NTM: variants seen among roughly 807,000 people sequenced by gnomAD.
The protein encoded by NTM is neurotrimin.
NTM carries 13 observed loss-of-function variants against 42.1 expected under a neutral mutation model. That is an observed-to-expected ratio of 0.31 (90% CI 0.20 to 0.49). The LOEUF (loss-of-function observed/expected upper bound fraction) is 0.49, where lower values mean the gene tolerates loss of function less well. Ranked by LOEUF, NTM falls within the 20% of genes least tolerant of loss-of-function variation. NTM has a pLI of 0.99. For missense variants in NTM, 373 were observed against 452.8 expected (o/e 0.82, Z 1.60); for synonymous variants, 187 against 179.2 (o/e 1.04, Z -0.35).
chr11:131,599,632 G>A (rs764787193), intron 1 of NTM, among the ~76,000 whole-genome samples: 1 of 152,172 alleles, frequency 6.6e-6, no homozygotes, highest in Non-Finnish European at 1.5e-5. Flanking sequence ...AGTCATTGAG[G>A]TCATAATGGT....
At chr11:132,300,067 A>G (rs1383830699) in intron 4 of NTM, among the ~76,000 whole-genome samples, 2 of 152,178 alleles carry the variant, frequency 1.3e-5, no homozygotes, top group South Asian at 2.1e-4. Context: ...TTTATTATCA[A>G]TCACATCCTG....
intron 2 of NTM, among the ~76,000 whole-genome samples, chr11:131,947,553 G>A (rs1369953840): frequency 6.6e-6 from 1 of 152,212 alleles, no homozygotes; most frequent in Non-Finnish European, 1.5e-5. Flanking sequence ...AGGGAGGTGG[G>A]TGCAGGGATG....
intron 1 of NTM, among the ~76,000 whole-genome samples, chr11:131,667,742 C>A (rs1464548214): frequency 6.6e-6 from 1 of 152,212 alleles, no homozygotes; most frequent in African/African-American, 2.4e-5. Context: ...ACCCTGATCT[C>A]ACCTTAGAAC....
intron 1 of NTM, among the ~76,000 whole-genome samples, chr11:131,790,478 TC>T (rs1488815023): frequency 6.6e-6 from 1 of 152,050 alleles, no homozygotes; most frequent in East Asian, 1.9e-4. Flanking sequence ...AATAGTAAAG[TC>T]TCCCCTACTG....
At chr11:132,179,362 T>C (rs2077236882) in intron 3 of NTM, among the ~76,000 whole-genome samples, 1 of 152,152 alleles carries the variant, frequency 6.6e-6, no homozygotes, top group Non-Finnish European at 1.5e-5. Context: ...CAGATCTTAA[T>C]CTAGTTTACA....
chr11:131,441,069 A>C (rs1035524293), intron 1 of NTM, among the ~76,000 whole-genome samples: 4 of 152,058 alleles, frequency 2.6e-5, no homozygotes, highest in African/African-American at 9.7e-5. Context: ...CCATTGTTTT[A>C]AAGGGGTATT....
intron 2 of NTM, among the ~76,000 whole-genome samples, chr11:131,973,545 C>A (rs181450411): frequency 6.6e-6 from 1 of 152,226 alleles, no homozygotes; most frequent in Non-Finnish European, 1.5e-5. Flanking sequence ...ACAGGCCAGG[C>A]GCTGTGGCTC....
chr11:131,756,664 G>A (rs2083381091), intron 1 of NTM, among the ~76,000 whole-genome samples: 1 of 152,018 alleles, frequency 6.6e-6, no homozygotes, highest in Admixed American at 6.6e-5. Context: ...CTCCAACTTG[G>A]GTGGTGACAG....
At chr11:131,741,496 C>A (rs1187012245) in intron 1 of NTM, among the ~76,000 whole-genome samples, 1 of 152,134 alleles carries the variant, frequency 6.6e-6, no homozygotes, top group Non-Finnish European at 1.5e-5. Context: ...CAGTGATATG[C>A]CTTCTTATTC....
intron 2 of NTM, among the ~76,000 whole-genome samples, chr11:132,127,449 G>A (rs2066030635): frequency 6.6e-6 from 1 of 152,198 alleles, no homozygotes; most frequent in African/African-American, 2.4e-5. Flanking sequence ...ACCTTCTGAC[G>A]GATGGGGAGG....
intron 1 of NTM, among the ~76,000 whole-genome samples, chr11:131,633,766 C>CCTCTCTCTCTCTCTCTCT (rs1238243158): frequency 4.0e-4 from 16 of 40,032 alleles, no homozygotes; most frequent in African/African-American, 1.1e-3. Flanking sequence ...CCTCTCTCTC[C>CCTCTCTCTCTCTCTCTCT]CTCTCTCTCT....
chr11:132,314,405 A>C, intron 6 of NTM, 147 bp from the exon 7 acceptor site: 1 of 818,526 alleles, frequency 1.2e-6, no homozygotes, highest in Non-Finnish European at 1.8e-6. Flanking sequence ...CTACTACATT[A>C]TGGTGTGGTT....
intron 1 of NTM, among the ~76,000 whole-genome samples, chr11:131,845,161 T>G (rs915892448): frequency 6.6e-6 from 1 of 152,222 alleles, no homozygotes; most frequent in African/African-American, 2.4e-5. Flanking sequence ...CCATCATGAA[T>G]TTATCATATT....
chr11:132,111,181 G>C (rs951441756), intron 2 of NTM, among the ~76,000 whole-genome samples: 3 of 149,348 alleles, frequency 2.0e-5, no homozygotes, highest in Non-Finnish European at 4.4e-5. Context: ...TAGTCTCCTT[G>C]GTAGCAATGC....
At chr11:131,701,313 A>G (rs914006003) in intron 1 of NTM, among the ~76,000 whole-genome samples, 2 of 152,214 alleles carry the variant, frequency 1.3e-5, no homozygotes, top group African/African-American at 4.8e-5. Context: ...GCCAGGAATA[A>G]ATGAGAAACT....
intron 2 of NTM, among the ~76,000 whole-genome samples, chr11:132,101,846 C>T (rs1044189293): frequency 6.6e-6 from 1 of 152,220 alleles, no homozygotes; most frequent in African/African-American, 2.4e-5. Context: ...AAATCTTCCA[C>T]ACAGAGGACA....
intron 2 of NTM, among the ~76,000 whole-genome samples, chr11:132,110,971 G>A (rs2136739207): frequency 6.7e-6 from 1 of 149,144 alleles, no homozygotes; most frequent in East Asian, 2.0e-4. Context: ...TAGAGTCTAA[G>A]GCAAGAGGAT....
At chr11:132,311,344 TTTTTTAAAAAAAAA>T (rs920421629) in intron 6 of NTM, among the ~76,000 whole-genome samples, 3 of 152,162 alleles carry the variant, frequency 2.0e-5, no homozygotes, top group African/African-American at 7.2e-5. Context: ...AGTGTTTTGT[TTTTTTAAAAAAAAA>T]TTTTTAAGGA....
intron 1 of NTM, among the ~76,000 whole-genome samples, chr11:131,667,847 C>T (rs1325160807): frequency 1.3e-5 from 2 of 152,308 alleles, no homozygotes; most frequent in East Asian, 1.9e-4. Context: ...GCAGGTGTCT[C>T]CTCTGTGCTA....
Sources: allele counts gnomAD v4.1 joint callset (sites outside exome capture counted in the v4.1 genomes callset), GRCh38; gene constraint gnomAD v4.1.1; transcripts MANE v1.5; gene names NCBI Gene and HGNC (gene_info 2026-07-23, HGNC 2026-07-21).